Variants in MEF2A observed in about 807,000 individuals in gnomAD.
The protein encoded by MEF2A is myocyte-specific enhancer factor 2A.
Under a neutral mutation model 55.8 loss-of-function variants are expected in MEF2A, and 28 were observed. The ratio of observed to expected loss-of-function variants is 0.50; its 90% CI spans 0.37 to 0.69. The LOEUF (loss-of-function observed/expected upper bound fraction) is 0.69, where lower values mean the gene tolerates loss of function less well. MEF2A is among the 30% of genes least tolerant of loss of function. The pLI is 0.00. For missense variants in MEF2A, 528 were observed against 626.2 expected (o/e 0.84, Z 1.67); for synonymous variants, 239 against 227.1 (o/e 1.05, Z -0.47).
In MEF2A at chr15:99,693,517, C is replaced by T. The variant is rs188203509; in HGVS notation, c.858+3089C>T. ...AGAGAAAAATCTTAGAGATACATTA[C>T]AGAAAAACAAAGATAAGGATTAGTA... On this transcript the variant is annotated intron_variant, in intron 8 of 11. Transcript: ENST00000557942. Among the ~76,000 whole-genome samples, 247 of 152,226 alleles carry T rather than the reference C, an allele frequency of 1.6e-3. 1 individual carries two copies. The highest frequency in any genetic ancestry group is 0.01 in the Middle Eastern group (3 of 294).
intron 8 of MEF2A, among the ~76,000 whole-genome samples, chr15:99,699,952 ATGTGTGTGTG>A (rs752346994): frequency 1.5e-5 from 2 of 130,582 alleles, no homozygotes; most frequent in African/African-American, 5.8e-5. Context: ...AAGAGTTTAT[ATGTGTGTGTG>A]TGTGTGTGTG....
At chr15:99,619,980 A>C (rs1283137700) in intron 2 of MEF2A, among the ~76,000 whole-genome samples, 1 of 152,228 alleles carries the variant, frequency 6.6e-6, no homozygotes. Context: ...TAATGTTTAA[A>C]GTTTTCTGGC....
At chr15:99,666,104 T>C (rs2153598619) in intron 4 of MEF2A, among the ~76,000 whole-genome samples, 1 of 152,254 alleles carries the variant, frequency 6.6e-6, no homozygotes, top group South Asian at 2.1e-4. Flanking sequence ...CCCAAAGGAT[T>C]ATAAATCATT....
intron 8 of MEF2A, among the ~76,000 whole-genome samples, chr15:99,696,209 A>G (rs959690950): frequency 2.0e-5 from 3 of 152,254 alleles, no homozygotes; most frequent in African/African-American, 7.2e-5. Flanking sequence ...ACAAGTAGGC[A>G]GAAAAATCAG....
chr15:99,633,205 A>G (rs1228323230), intron 3 of MEF2A, 32 bp downstream of exon 3: 28 of 1,426,500 alleles, frequency 2.0e-5, no homozygotes, highest in Non-Finnish European at 2.4e-5. Flanking sequence ...TTTAATTGAT[A>G]TGAATATTCT....
rs551567151 is a variant in MEF2A, at chr15:99,680,835, G to GT, written c.670+5379dup. 6.6e-5 allele frequency among the ~76,000 whole-genome samples: 10 copies of GT among 152,238 alleles called. No homozygotes were observed. The South Asian group carries it at 1.9e-3, about 28-fold the overall frequency. Reference sequence around the variant, plus strand: ...GTTTCAGTGATGCTGTATTAATACAGTTACCTCTACAGTCATAACATCTTT... The same window carrying GT: ...GTTTCAGTGATGCTGTATTAATACAGTTTACCTCTACAGTCATAACATCTTT... On this transcript the variant is annotated intron_variant, in intron 7 of 11. Transcript: ENST00000557942.
intron 1 of MEF2A, among the ~76,000 whole-genome samples, chr15:99,597,554 G>C (rs372318481): frequency 6.6e-6 from 1 of 151,948 alleles, no homozygotes; most frequent in African/African-American, 2.4e-5. Flanking sequence ...GCCTCCACTT[G>C]CCTTGTCATA....
intron 11 of MEF2A, among the ~76,000 whole-genome samples, 173 bp downstream of exon 11, chr15:99,710,933 T>C (rs2058574693): frequency 6.6e-6 from 1 of 152,184 alleles, no homozygotes; most frequent in Non-Finnish European, 1.5e-5. Context: ...CTCTAGACAG[T>C]AGCTTGGATA....
At chr15:99,662,812 T>C (rs575736066) in intron 4 of MEF2A, among the ~76,000 whole-genome samples, 259 of 152,330 alleles carry the variant, frequency 1.7e-3, no homozygotes, top group African/African-American at 5.3e-3. Context: ...AAGCACTTGC[T>C]TATACTTATG....
rs571643231 is a variant in MEF2A, at chr15:99,699,706, A to G, written c.859-3656A>G. 9.8e-5 allele frequency among the ~76,000 whole-genome samples: 15 copies of G among 152,354 alleles called. 1 individual carries two copies. The East Asian group carries it at 2.1e-3, about 22-fold the overall frequency. On this transcript the variant is annotated intron_variant, in intron 8 of 11. Coordinates refer to ENST00000557942, the MANE Select transcript of MEF2A (RefSeq NM_001319206.4). Reference sequence around the variant, plus strand: ...TTGACTGGATACTGTAAGGTTAGAGACCAACGAAATTGTAGCAAATCACTG... The same window carrying G: ...TTGACTGGATACTGTAAGGTTAGAGGCCAACGAAATTGTAGCAAATCACTG...
chr15:99,663,071 G>A (rs1216400528), intron 4 of MEF2A, among the ~76,000 whole-genome samples: 1 of 151,930 alleles, frequency 6.6e-6, no homozygotes, highest in African/African-American at 2.4e-5. Context: ...AAAGTTGAGC[G>A]TATGTTAATT....
intron 8 of MEF2A, among the ~76,000 whole-genome samples, chr15:99,697,878 C>T (rs1361125013): frequency 6.6e-6 from 1 of 152,098 alleles, no homozygotes; most frequent in Non-Finnish European, 1.5e-5. Flanking sequence ...AAAGGATGGG[C>T]ACATAGATCA....
At chr15:99,662,969 C>T (rs571766429) in intron 4 of MEF2A, among the ~76,000 whole-genome samples, 6 of 152,266 alleles carry the variant, frequency 3.9e-5, no homozygotes, top group Middle Eastern at 3.4e-3. Flanking sequence ...ATTTAAAAAC[C>T]ATGCATTTAT....
intron 1 of MEF2A, among the ~76,000 whole-genome samples, chr15:99,595,581 C>G (rs1017420716): frequency 6.6e-6 from 1 of 152,054 alleles, no homozygotes; most frequent in African/African-American, 2.4e-5. Flanking sequence ...GAATCCTGGG[C>G]CAGATATTGA....
At chr15:99,692,274 A>C (rs946921900) in intron 8 of MEF2A, among the ~76,000 whole-genome samples, 8 of 152,210 alleles carry the variant, frequency 5.3e-5, no homozygotes, top group Admixed American at 2.0e-4. Flanking sequence ...GATAGTTCAA[A>C]ATAGAGCTAG....
chr15:99,710,585 C>G (rs1267033156), intron 10 of MEF2A, 49 bp from the exon 11 acceptor site: 4 of 1,580,950 alleles, frequency 2.5e-6, no homozygotes, highest in African/African-American at 1.3e-5. Flanking sequence ...AAAATAGATT[C>G]CGTATGGACC....
chr15:99,579,992 A>C (rs1965457912), intron 1 of MEF2A, among the ~76,000 whole-genome samples: 1 of 152,002 alleles, frequency 6.6e-6, no homozygotes, highest in African/African-American at 2.4e-5. Context: ...GTGGCCCTTT[A>C]AATCAAGAGA....
intron 1 of MEF2A, among the ~76,000 whole-genome samples, chr15:99,588,231 C>T (rs1158208858): frequency 6.6e-6 from 1 of 152,096 alleles, no homozygotes; most frequent in African/African-American, 2.4e-5. Context: ...ATCCTCCTGC[C>T]TCAGCCTCCT....
intron 7 of MEF2A, among the ~76,000 whole-genome samples, chr15:99,686,037 A>T (rs934475648): frequency 6.6e-6 from 1 of 152,064 alleles, no homozygotes; most frequent in African/African-American, 2.4e-5. Flanking sequence ...CATTTAACCT[A>T]GGCGGGTTGT....
Sources: allele counts gnomAD v4.1 joint callset (sites outside exome capture counted in the v4.1 genomes callset), GRCh38; gene constraint gnomAD v4.1.1; transcripts MANE v1.5; gene names NCBI Gene and HGNC (gene_info 2026-07-23, HGNC 2026-07-21).